The following FBRSL1 variants were observed in gnomAD, a reference collection of about 807,000 sequenced individuals.
FBRSL1 encodes fibrosin like 1.
In FBRSL1, 51 loss-of-function variants were observed where a neutral mutation model predicts 89.6. That is an observed-to-expected ratio of 0.57 (90% CI 0.45 to 0.72). The LOEUF is 0.72. Ranked by LOEUF, FBRSL1 falls within the 30% of genes least tolerant of loss-of-function variation. The pLI, the probability that FBRSL1 is intolerant of heterozygous loss-of-function variation, is 0.00. For missense variants in FBRSL1, 1,618 were observed against 1,451.8 expected, an observed-to-expected ratio of 1.11 and a Z score of -1.86; for synonymous variants, 779 against 681.1, an observed-to-expected ratio of 1.14 and a Z score of -2.24.
At chr12:132,573,675 G>C (rs1262867032) in intron 11 of FBRSL1, among the ~76,000 whole-genome samples, 1 of 152,062 alleles carries the variant, frequency 6.6e-6, no homozygotes, top group Non-Finnish European at 1.5e-5. Context: ...GGAGGGGGCT[G>C]TGGTGTGATG....
At chr12:132,506,196 C>T (rs2033663136) in intron 1 of FBRSL1, among the ~76,000 whole-genome samples, 4 of 127,472 alleles carry the variant, frequency 3.1e-5, no homozygotes, top group Admixed American at 1.6e-4. Context: ...TGACTGTGGC[C>T]GGGGTGGGGA....
At chr12:132,525,000 C>T (rs1395208599) in intron 2 of FBRSL1, among the ~76,000 whole-genome samples, 1 of 152,004 alleles carries the variant, frequency 6.6e-6, no homozygotes, top group Non-Finnish European at 1.5e-5. Context: ...TGCAAAGCGC[C>T]CGGGCCAGGC....
chr12:132,511,839 AC>A, intron 2 of FBRSL1: 1 of 600,990 alleles, frequency 1.7e-6, no homozygotes, highest in Non-Finnish European at 2.1e-6. Flanking sequence ...CTCGCTCCCC[AC>A]CCACCCGGGC....
chr12:132,533,241 C>T (rs569365269), intron 4 of FBRSL1, among the ~76,000 whole-genome samples: 5 of 148,600 alleles, frequency 3.4e-5, no homozygotes, highest in South Asian at 4.4e-4. Context: ...AGTCTCCTCC[C>T]GACCCAGCCT....
rs145288781 is a variant in FBRSL1 at position 132,511,232 on chromosome 12, G to T, written c.489+2882G>T. The T allele has an allele frequency of 9.9e-4, 972 of 985,464 alleles. 10 individuals are homozygous for T. In the African/African-American group the frequency reaches 0.016, roughly 16 times the overall value. 61.0% of individuals were successfully genotyped at this position (985,464 alleles called of 1,614,324 possible). A position where few individuals can be genotyped will look rare whatever the true frequency, so the allele number is the denominator to read the frequency against. On this transcript the variant is annotated intron_variant, in intron 2 of 18. Coordinates refer to ENST00000680143, the MANE Select transcript of FBRSL1 (RefSeq NM_001367871.1). ...CTGCCTCCACCACCCCCGTGGGCAT[G>T]CACTGAAGGGTTGCCTGCAGGGTCT...
At position 132,581,710 on chromosome 12, in the gene FBRSL1, A is replaced by G. The variant is rs551545073; in HGVS notation, c.1913-31A>G. On this transcript the variant is annotated intron_variant, in intron 16 of 18. Transcript: ENST00000680143. ...GTGGGAGCCGCAGCCCACGCCTCAC[A>G]GACCTCTGGGTCCCGCGGTTGCCCC... is the stretch of plus-strand genomic sequence containing the variant. The G allele has an allele frequency of 4.5e-6, 7 of 1,548,356 alleles. No individual in the cohort carries two copies. The South Asian group carries it at 8.3e-5, about 18-fold the overall frequency.
intron 4 of FBRSL1, among the ~76,000 whole-genome samples, chr12:132,541,679 G>A (rs552060336): frequency 6.6e-6 from 1 of 152,370 alleles, no homozygotes; most frequent in South Asian, 2.1e-4. Context: ...AATCTCCCCA[G>A]CTGCTCTCAG....
intron 1 of FBRSL1, among the ~76,000 whole-genome samples, chr12:132,505,440 C>T (rs1289549652): frequency 1.3e-5 from 2 of 152,164 alleles, no homozygotes; most frequent in African/African-American, 2.4e-5. Flanking sequence ...GACTGCCCCC[C>T]GTCTGGCCTG....
intron 4 of FBRSL1, among the ~76,000 whole-genome samples, chr12:132,531,005 G>T (rs960281014): frequency 2.7e-5 from 4 of 145,996 alleles, no homozygotes; most frequent in Admixed American, 6.9e-5. Context: ...GGGGGGGGGG[G>T]TGCAGGTGAG....
chr12:132,516,221 T>C (rs2034829285), intron 2 of FBRSL1, among the ~76,000 whole-genome samples: 1 of 151,702 alleles, frequency 6.6e-6, no homozygotes, highest in Admixed American at 6.6e-5. Context: ...GATGGAGTCT[T>C]GCTCTATCAC....
intron 4 of FBRSL1, among the ~76,000 whole-genome samples, chr12:132,545,519 C>G (rs2037617632): frequency 6.6e-6 from 1 of 152,242 alleles, no homozygotes; most frequent in Non-Finnish European, 1.5e-5. Flanking sequence ...CTGGAAAGCA[C>G]CCCTCAGTGT....
intron 2 of FBRSL1, among the ~76,000 whole-genome samples, chr12:132,515,068 G>C (rs1566125544): frequency 6.6e-6 from 1 of 152,134 alleles, no homozygotes; most frequent in Non-Finnish European, 1.5e-5. Flanking sequence ...TACCCTCTGT[G>C]AGTGCTTATC....
chr12:132,505,439 C>T (rs1156690798), intron 1 of FBRSL1, among the ~76,000 whole-genome samples: 3 of 152,182 alleles, frequency 2.0e-5, no homozygotes, highest in Non-Finnish European at 4.4e-5. Flanking sequence ...GGACTGCCCC[C>T]CGTCTGGCCT....
intron 14 of FBRSL1, among the ~76,000 whole-genome samples, chr12:132,575,236 CT>C (rs747328478): frequency 3.3e-5 from 5 of 150,526 alleles, no homozygotes; most frequent in Non-Finnish European, 5.9e-5. Context: ...GTATGTCTTT[CT>C]TTTTTTTTGA....
intron 5 of FBRSL1, among the ~76,000 whole-genome samples, chr12:132,557,915 C>T (rs779871867): frequency 6.6e-6 from 1 of 152,164 alleles, no homozygotes; most frequent in Non-Finnish European, 1.5e-5. Context: ...CCATCTGTGC[C>T]GAGTCCCCAG....
At chr12:132,572,037 T>G (rs2040055140) in intron 9 of FBRSL1, 1 of 557,324 alleles carries the variant, frequency 1.8e-6, no homozygotes, top group African/African-American at 1.9e-5. Flanking sequence ...GCACACAGAC[T>G]GCCTGGGGGG....
chr12:132,523,342 G>A (rs1386477660), intron 2 of FBRSL1, among the ~76,000 whole-genome samples: 1 of 152,064 alleles, frequency 6.6e-6, no homozygotes, highest in African/African-American at 2.4e-5. Context: ...AGCTAAAACC[G>A]GCCACCCGAG....
At chr12:132,577,231 T>G (rs557372205) in intron 15 of FBRSL1, among the ~76,000 whole-genome samples, 1 of 151,818 alleles carries the variant, frequency 6.6e-6, no homozygotes, top group Admixed American at 6.6e-5. Context: ...CTGGGGGGCC[T>G]TCAGCCCACG....
At chr12:132,531,617 G>A (rs1234716106) in intron 4 of FBRSL1, among the ~76,000 whole-genome samples, 3 of 152,150 alleles carry the variant, frequency 2.0e-5, no homozygotes, top group Admixed American at 6.5e-5. Flanking sequence ...CTGTGCATGT[G>A]GCATTGTGTT....
Sources: gnomAD v4.1 joint callset for allele counts (sites outside exome capture counted in the v4.1 genomes callset) on GRCh38, gnomAD v4.1.1 for gene constraint, MANE v1.5 for transcripts, NCBI Gene and HGNC (gene_info 2026-07-23, HGNC 2026-07-21) for gene names.